Variants in CIMIP7 observed in about 807,000 individuals in gnomAD.
CIMIP7 encodes uncharacterized protein C3orf84.
the CIMIP7 span, among the ~76,000 whole-genome samples, chr3:49,183,987 T>C: frequency 1.3e-5 from 2 of 152,196 alleles, no homozygotes; most frequent in African/African-American, 4.8e-5. Flanking sequence ...AGGGTGCATA[T>C]TGTATTATTC....
the CIMIP7 span, among the ~76,000 whole-genome samples, chr3:49,182,171 G>A: frequency 1.3e-5 from 2 of 152,192 alleles, no homozygotes; most frequent in African/African-American, 4.8e-5. Context: ...AGGAGTGAAA[G>A]AACAAAGCCT....
chr3:49,190,762 G>A, the CIMIP7 span, among the ~76,000 whole-genome samples: 212 of 147,900 alleles, frequency 1.4e-3, 3 homozygotes, highest in African/African-American at 4.6e-3. Context: ...TCTGCCTCCC[G>A]GGTTCAATCA....
chr3:49,182,889 G>C, the CIMIP7 span, among the ~76,000 whole-genome samples: 1 of 152,220 alleles, frequency 6.6e-6, no homozygotes, highest in African/African-American at 2.4e-5. Context: ...CACTGCCCGG[G>C]GCGGGGGGGC....
the CIMIP7 span, among the ~76,000 whole-genome samples, chr3:49,182,530 T>C: frequency 6.6e-6 from 1 of 152,230 alleles, no homozygotes; most frequent in Non-Finnish European, 1.5e-5. Context: ...CCCATTGGTG[T>C]ATTTACAATC....
At chr3:49,178,049 G>T in the CIMIP7 span, 1 of 1,596,996 alleles carries the variant, frequency 6.3e-7, no homozygotes, top group African/African-American at 1.3e-5. Context: ...AGGCAATAGG[G>T]ACCCTCCTCA....
At chr3:49,177,950 G>A in the CIMIP7 span, 70 of 1,613,528 alleles carry the variant, frequency 4.3e-5, no homozygotes, top group South Asian at 4.1e-4. Flanking sequence ...CCCTGCTGGC[G>A]CAACTCTATC....
the CIMIP7 span, among the ~76,000 whole-genome samples, chr3:49,182,207 G>A: frequency 9.1e-4 from 139 of 152,342 alleles, 4 homozygotes; most frequent in East Asian, 0.022. Flanking sequence ...GGACCAAAGC[G>A]GGTTGCCACT....
At chr3:49,180,929 C>CAAAA in the CIMIP7 span, among the ~76,000 whole-genome samples, 3 of 65,922 alleles carry the variant, frequency 4.6e-5, no homozygotes, top group Admixed American at 4.1e-4. Flanking sequence ...GACTCCGTCT[C>CAAAA]AAAAAAAAAA....
chr3:49,182,259 A>G, the CIMIP7 span, among the ~76,000 whole-genome samples: 2 of 151,722 alleles, frequency 1.3e-5, no homozygotes, highest in Non-Finnish European at 2.9e-5. Context: ...ATCTGGCCCC[A>G]CCCACATCCT....
the CIMIP7 span, among the ~76,000 whole-genome samples, chr3:49,178,948 G>A: frequency 2.0e-5 from 3 of 152,112 alleles, no homozygotes; most frequent in South Asian, 2.1e-4. Context: ...AATGCCATCT[G>A]AAAACTGGAA....
chr3:49,178,450 T>C, the CIMIP7 span: 19 of 1,605,430 alleles, frequency 1.2e-5, no homozygotes, highest in African/African-American at 2.1e-4. Context: ...GCTGGGGGAC[T>C]GCCTGCCATT....
At chr3:49,179,784 A>C in the CIMIP7 span, among the ~76,000 whole-genome samples, 1 of 152,214 alleles carries the variant, frequency 6.6e-6, no homozygotes, top group African/African-American at 2.4e-5. Flanking sequence ...TGTCTTGCTC[A>C]CATCTATAAC....
At chr3:49,178,956 GA>G in the CIMIP7 span, among the ~76,000 whole-genome samples, 2 of 152,088 alleles carry the variant, frequency 1.3e-5, no homozygotes, top group Non-Finnish European at 2.9e-5. Flanking sequence ...CTGAAAACTG[GA>G]ATTTCTATCT....
At chr3:49,185,104 A>C in the CIMIP7 span, among the ~76,000 whole-genome samples, 1 of 151,758 alleles carries the variant, frequency 6.6e-6, no homozygotes, top group African/African-American at 2.4e-5. Context: ...TCTTCTAAAA[A>C]TACAAAATTA....
the CIMIP7 span, among the ~76,000 whole-genome samples, chr3:49,181,379 A>C: frequency 1.4e-4 from 21 of 150,306 alleles, no homozygotes; most frequent in African/African-American, 5.1e-4. Flanking sequence ...GAGGCCGTGC[A>C]GTGGCTTACA....
chr3:49,182,445 G>C, the CIMIP7 span, among the ~76,000 whole-genome samples: 2,966 of 152,304 alleles, frequency 0.019, 39 homozygotes, highest in Non-Finnish European at 0.029. Flanking sequence ...ATGTCAATTG[G>C]TGCATTCACA....
the CIMIP7 span, among the ~76,000 whole-genome samples, chr3:49,185,930 C>T: frequency 6.6e-5 from 10 of 152,008 alleles, no homozygotes; most frequent in Admixed American, 3.3e-4. Flanking sequence ...CATGATCCAC[C>T]CGCCTGAGCC....
At chr3:49,182,117 G>A in the CIMIP7 span, among the ~76,000 whole-genome samples, 7 of 152,212 alleles carry the variant, frequency 4.6e-5, no homozygotes, top group South Asian at 4.1e-4. Flanking sequence ...AACTCATAAA[G>A]GCAGCGTGGA....
chr3:49,180,151 C>A, the CIMIP7 span, among the ~76,000 whole-genome samples: 1 of 152,138 alleles, frequency 6.6e-6, no homozygotes, highest in Non-Finnish European at 1.5e-5. Context: ...TGGTGTTTGG[C>A]TGTAATCCCA....
Sources: allele counts gnomAD v4.1 joint callset (sites outside exome capture counted in the v4.1 genomes callset), GRCh38; gene constraint gnomAD v4.1.1; transcripts MANE v1.5; gene names NCBI Gene and HGNC (gene_info 2026-07-23, HGNC 2026-07-21).